Variants in CLSTN2 observed in about 807,000 individuals in gnomAD.
CLSTN2 encodes the protein calsyntenin-2.
A neutral mutation model predicts 101.2 loss-of-function variants in CLSTN2; 48 were observed. The ratio of observed to expected loss-of-function variants is 0.47; its 90% CI spans 0.38 to 0.60. The LOEUF (loss-of-function observed/expected upper bound fraction) is 0.60. CLSTN2 is among the 20% of genes least tolerant of loss of function. The pLI is 0.00. For missense variants in CLSTN2, 1,160 were observed against 1,238.2 expected (o/e 0.94, Z 0.95); for synonymous variants, 481 against 463.6 (o/e 1.04, Z -0.48).
chr3:140,261,776 T>G (rs1205149572), intron 2 of CLSTN2, among the ~76,000 whole-genome samples: 2 of 152,190 alleles, frequency 1.3e-5, no homozygotes, highest in Non-Finnish European at 2.9e-5. Context: ...TCTAATGCAC[T>G]AACACATGGA....
chr3:140,030,242 G>A (rs1375322090), intron 1 of CLSTN2, among the ~76,000 whole-genome samples: 2 of 152,150 alleles, frequency 1.3e-5, no homozygotes, highest in African/African-American at 4.8e-5. Flanking sequence ...TTGCAATCCT[G>A]TTGAGAGACA....
intron 1 of CLSTN2, among the ~76,000 whole-genome samples, chr3:139,966,951 C>T (rs1935611189): frequency 2.0e-5 from 3 of 152,160 alleles, no homozygotes; most frequent in Admixed American, 2.0e-4. Flanking sequence ...CTAGTCTGTC[C>T]TCACGGGGAC....
At chr3:140,427,190 T>A (rs1287499511) in intron 5 of CLSTN2, among the ~76,000 whole-genome samples, 8 of 88,958 alleles carry the variant, frequency 9.0e-5, no homozygotes, top group African/African-American at 3.7e-4. Context: ...AAAAAATATA[T>A]ATATATATAT....
intron 5 of CLSTN2, among the ~76,000 whole-genome samples, chr3:140,425,912 C>T (rs529964313): frequency 8.5e-5 from 13 of 152,268 alleles, no homozygotes; most frequent in African/African-American, 2.6e-4. Flanking sequence ...ATAAGCCAGA[C>T]CTGTGTGAGT....
At chr3:140,224,476 GC>G (rs2107855095) in intron 2 of CLSTN2, among the ~76,000 whole-genome samples, 1 of 152,320 alleles carries the variant, frequency 6.6e-6, no homozygotes, top group East Asian at 1.9e-4. Context: ...ATAATGAGGA[GC>G]CCTGCCAGCA....
At chr3:140,289,693 T>C (rs188703086) in intron 2 of CLSTN2, among the ~76,000 whole-genome samples, 47 of 152,242 alleles carry the variant, frequency 3.1e-4, no homozygotes, top group African/African-American at 1.0e-3. Flanking sequence ...AATGAATGCA[T>C]GCACACACAA....
chr3:140,559,667 A>G (rs1018096519), intron 12 of CLSTN2, among the ~76,000 whole-genome samples: 1 of 152,070 alleles, frequency 6.6e-6, no homozygotes, highest in Admixed American at 6.6e-5. Flanking sequence ...AAATTTCAGA[A>G]GTGTCCTTTG....
chr3:140,240,961 C>A (rs933615832), intron 2 of CLSTN2, among the ~76,000 whole-genome samples: 1 of 152,068 alleles, frequency 6.6e-6, no homozygotes, highest in Non-Finnish European at 1.5e-5. Flanking sequence ...TATCGACCAT[C>A]ATGAGGTTGT....
At chr3:140,380,215 G>A (rs1366026004) in intron 2 of CLSTN2, among the ~76,000 whole-genome samples, 1 of 152,200 alleles carries the variant, frequency 6.6e-6, no homozygotes, top group East Asian at 1.9e-4. Context: ...TGTGTGAGGG[G>A]CAGTTGGGAG....
intron 1 of CLSTN2, among the ~76,000 whole-genome samples, chr3:140,089,755 C>A (rs1257308592): frequency 1.3e-5 from 2 of 151,598 alleles, no homozygotes; most frequent in African/African-American, 2.4e-5. Context: ...GGACTACAGG[C>A]ATGCACCACC....
chr3:140,161,040 A>G (rs1223597496), intron 1 of CLSTN2, among the ~76,000 whole-genome samples: 1 of 152,144 alleles, frequency 6.6e-6, no homozygotes, highest in Admixed American at 6.6e-5. Context: ...CGGAGCACCT[A>G]CCATGTGCCA....
chr3:139,965,195 C>G (rs1935574005), intron 1 of CLSTN2, among the ~76,000 whole-genome samples: 2 of 152,300 alleles, frequency 1.3e-5, no homozygotes, highest in South Asian at 4.2e-4. Context: ...ATCATTAGCT[C>G]AAGACTGATT....
In CLSTN2 at chr3:140,292,293, C is replaced by T. The variant is rs548727965; in HGVS notation, c.233-111336C>T. On this transcript the variant is annotated intron_variant, in intron 2 of 16. Coordinates refer to ENST00000458420, the MANE Select transcript of CLSTN2 (RefSeq NM_022131.3). ...GCCTCATTCTTCCCATGGCTGTCAG[C>T]CGCTTCTTTCCTGTTACGAATATCC... Among the ~76,000 whole-genome samples the T allele has an allele frequency of 2.9e-4, 44 of 152,338 alleles. 1 individual carries two copies. Among genetic ancestry groups the T allele is most frequent in the African/African-American group, 9.4e-4 (39 of 41,576 alleles).
intron 1 of CLSTN2, among the ~76,000 whole-genome samples, chr3:139,956,522 G>C (rs1362908181): frequency 6.6e-6 from 1 of 152,142 alleles, no homozygotes; most frequent in Non-Finnish European, 1.5e-5. Context: ...TTTTGTTCTA[G>C]TTTATTGTGA....
intron 2 of CLSTN2, among the ~76,000 whole-genome samples, chr3:140,264,538 A>C (rs1473635593): frequency 2.0e-5 from 3 of 151,372 alleles, no homozygotes; most frequent in Non-Finnish European, 4.4e-5. Flanking sequence ...AAGATGCTTG[A>C]CCCTGTATTT....
At chr3:140,503,916 C>T (rs538931149) in intron 8 of CLSTN2, among the ~76,000 whole-genome samples, 17 of 152,274 alleles carry the variant, frequency 1.1e-4, no homozygotes, top group African/African-American at 4.1e-4. Flanking sequence ...GCAGGAAAGA[C>T]AGTTACAGGT....
At chr3:140,139,469 C>T (rs1336609298) in intron 1 of CLSTN2, among the ~76,000 whole-genome samples, 1 of 152,110 alleles carries the variant, frequency 6.6e-6, no homozygotes, top group Non-Finnish European at 1.5e-5. Context: ...TAGTTCACAG[C>T]CTTGGGCTGC....
At chr3:140,046,899 C>T (rs1325251742) in intron 1 of CLSTN2, among the ~76,000 whole-genome samples, 1 of 152,170 alleles carries the variant, frequency 6.6e-6, no homozygotes, top group Admixed American at 6.6e-5. Flanking sequence ...ATTTCTGCAT[C>T]CCTGCCACTT....
At chr3:140,214,422 C>A (rs764251390) in intron 2 of CLSTN2, among the ~76,000 whole-genome samples, 1 of 149,884 alleles carries the variant, frequency 6.7e-6, no homozygotes, top group Non-Finnish European at 1.5e-5. Context: ...CCATTGCACT[C>A]CAGCCTGGGC....
Sources: allele counts gnomAD v4.1 joint callset (sites outside exome capture counted in the v4.1 genomes callset), GRCh38; gene constraint gnomAD v4.1.1; transcripts MANE v1.5; gene names NCBI Gene and HGNC (gene_info 2026-07-23, HGNC 2026-07-21).